TIMM50: variants seen among roughly 807,000 people sequenced by gnomAD.
TIMM50 encodes the protein translocase of inner mitochondrial membrane 50, also known as mitochondrial import inner membrane translocase subunit TIM50.
TIMM50 carries 34 observed loss-of-function variants against 49.6 expected under a neutral mutation model. The observed-to-expected ratio is 0.69, with a 90% CI of 0.52 to 0.91. TIMM50 has a LOEUF of 0.91. TIMM50 is among the 40% of genes least tolerant of loss of function. The probability of loss-of-function intolerance (pLI) is 0.00; values close to 1 mark genes in which losing one functional copy is unlikely to be tolerated. For synonymous variants in TIMM50, 199 were observed against 198.4 expected, an observed-to-expected ratio of 1.00 and a Z score of -0.03; for missense variants, 458 against 477.8, an observed-to-expected ratio of 0.96 and a Z score of 0.39.
At position 39,488,584 on chromosome 19, in the gene TIMM50, A is replaced by G. The variant is rs1453163932; in HGVS notation, c.899A>G (p.His300Arg). 2 of 1,613,464 alleles carry G rather than the reference A, an allele frequency of 1.2e-6. No homozygotes were observed. Among genetic ancestry groups the G allele is most frequent in the Non-Finnish European group, 1.7e-6 (2 of 1,180,026 alleles). Residue 300 changes from histidine (H) to arginine (R), a missense_variant, in exon 10 of 11, where the codon CAC becomes CGC. His to Arg is a conservative substitution (Grantham distance 29, BLOSUM62 0). Transcript: ENST00000607714. Reference protein sequence around the residue: ...GVEDVRTVLEHYALEDDPLAA... With the variant: ...GVEDVRTVLERYALEDDPLAA... ...GAGGACGTGCGAACCGTGCTGGAGC[A>G]CTATGCCCTGGAGGATGACCCGCTG... is the stretch of plus-strand genomic sequence containing the variant.
intron 4 of TIMM50, chr19:39,483,383 C>T (rs759422473): frequency 5.2e-4 from 304 of 587,932 alleles, no homozygotes; most frequent in Non-Finnish European, 8.5e-4. Context: ...GGGATTGGAG[C>T]CTTGGGTGGG....
rs1298831357 is a variant in TIMM50, at chr19:39,486,449, G to A, written c.650G>A (p.Arg217His). ...GACCCCCATGGCTTCATCTCCTACCGCCTATTCCGGGACGCCACAAGATAC... is the reference window on the plus strand; with the variant it reads ...GACCCCCATGGCTTCATCTCCTACCACCTATTCCGGGACGCCACAAGATAC... ...SVDPHGFISY[R>H]LFRDATRYMD... The change falls in exon 8 of 11, where the codon CGC becomes CAC. Residue 217 changes from arginine (R) to histidine (H), a missense_variant. Coordinates refer to ENST00000607714, the MANE Select transcript of TIMM50 (RefSeq NM_001001563.5). 11 of 1,613,986 alleles carry A rather than the reference G, an allele frequency of 6.8e-6. No individual in the cohort carries two copies. Among genetic ancestry groups the A allele is most frequent in the Admixed American group, 3.3e-5 (2 of 59,978 alleles).
At position 39,492,885 on chromosome 19, in the gene TIMM50, A is replaced by AAAAC. The variant is rs1555752664; in HGVS notation, c.*3068_*3069insCAAA. The AAAAC allele has an allele frequency of 4.1e-5, 6 of 144,946 alleles. No individual in the cohort carries two copies. Among genetic ancestry groups the AAAAC allele is most frequent in the Non-Finnish European group, 7.4e-5 (5 of 67,304 alleles). The allele number at this position is 144,946 out of a possible 1,614,324, so 9.0% of individuals were successfully genotyped here. On this transcript the variant is annotated 3_prime_UTR_variant, in exon 11 of 11. Coordinates refer to ENST00000607714, the MANE Select transcript of TIMM50 (RefSeq NM_001001563.5). ...GGCTCTGTCTCCAAAAAAAAAAAAA[A>AAAAC]AAAAAAACAAAAAAAAAACCAGTTT... is the stretch of plus-strand genomic sequence containing the variant.
At chr19:39,487,301 G>T (rs1272247741) in intron 8 of TIMM50, among the ~76,000 whole-genome samples, 1 of 152,000 alleles carries the variant, frequency 6.6e-6, no homozygotes, top group South Asian at 2.1e-4. Flanking sequence ...ACAGGGTTTT[G>T]CTCTGTCACC....
chr19:39,481,102 A>C, intron 1 of TIMM50, 141 bp downstream of exon 1: 1 of 1,144,398 alleles, frequency 8.7e-7, no homozygotes, highest in Non-Finnish European at 1.2e-6. Context: ...GCCCTTCCCA[A>C]CCTCCTGGGT....
At chr19:39,482,153 T>G in intron 2 of TIMM50, 120 bp downstream of exon 2, 1 of 1,309,854 alleles carries the variant, frequency 7.6e-7, no homozygotes, top group Non-Finnish European at 1.1e-6. Flanking sequence ...CCTTCCTCAA[T>G]AGGGCAGCCA....
At chr19:39,487,656 G>T in intron 8 of TIMM50, among the ~76,000 whole-genome samples, 1 of 151,922 alleles carries the variant, frequency 6.6e-6, no homozygotes, top group African/African-American at 2.4e-5. Flanking sequence ...ACAGAGTTTC[G>T]CCATGTTGCC....
At chr19:39,483,010 A>T (rs1257832831) in intron 3 of TIMM50, 94 bp downstream of exon 3, 2 of 1,608,794 alleles carry the variant, frequency 1.2e-6, no homozygotes, top group Non-Finnish European at 8.5e-7. Flanking sequence ...GCTGGTCTGG[A>T]GTGAGCCTTT....
At chr19:39,481,238 T>G in intron 1 of TIMM50, 1 of 500,182 alleles carries the variant, frequency 2.0e-6, no homozygotes. Context: ...AGGTGATACT[T>G]GAGCAGGAGG....
At chr19:39,482,847 GC>G in intron 2 of TIMM50, 37 bp from the exon 3 acceptor site, 3 of 1,613,890 alleles carry the variant, frequency 1.9e-6, no homozygotes, top group Non-Finnish European at 2.5e-6. Flanking sequence ...AGGGGACTGG[GC>G]CCTAATTCCT....
chr19:39,485,049 C>T lies in TIMM50; in HGVS notation c.314-495C>T, dbSNP rs184706200. On this transcript the variant is annotated intron_variant, in intron 4 of 10. Transcript: ENST00000607714. ...TCGGCTCGCTGCAACCTCCACCTCC[C>T]GGGTTCAAGTGATTCTCTTGCCTCA... 9.9e-4 allele frequency: 163 copies of T among 164,548 alleles called. 5 individuals are homozygous for T. In the East Asian group the frequency reaches 0.024, roughly 25 times the overall value. 10.2% of individuals were successfully genotyped at this position (164,548 alleles called of 1,614,324 possible). A position where few individuals can be genotyped will look rare whatever the true frequency, so the allele number is the denominator to read the frequency against.
At chr19:39,483,935 C>A (rs1247620871) in intron 4 of TIMM50, among the ~76,000 whole-genome samples, 1 of 152,112 alleles carries the variant, frequency 6.6e-6, no homozygotes, top group Non-Finnish European at 1.5e-5. Context: ...CTCACTGCAA[C>A]CTCCACCTCC....
Position 39,481,885 on chromosome 19 carries a change from C to G in TIMM50, c.111C>G (p.Ala37=). ...GACCTCCCCTTTCTCAACCGCAGGCCGCAGAGATCGGGAGCCGCGGGAGCA... is the reference window on the plus strand; with the variant it reads ...GACCTCCCCTTTCTCAACCGCAGGCGGCAGAGATCGGGAGCCGCGGGAGCA... ...ATPPRRAPDQ[A]AEIGSRGSTK... Residue 37 remains alanine (A), a splice_region_variant and synonymous_variant, in exon 2 of 11, where the codon GCC becomes GCG. Transcript: ENST00000607714. 1 of 1,612,268 alleles carries G rather than the reference C, an allele frequency of 6.2e-7. No individual in the cohort carries two copies. The highest frequency in any genetic ancestry group is 8.5e-7 in the Non-Finnish European group (1 of 1,179,390).
intron 8 of TIMM50, among the ~76,000 whole-genome samples, chr19:39,487,042 T>G (rs1365678699): frequency 6.6e-6 from 1 of 152,146 alleles, no homozygotes; most frequent in Non-Finnish European, 1.5e-5. Flanking sequence ...GAAGGGTCTG[T>G]GTCTGGGTGC....
At chr19:39,489,235 G>A (rs1454235425) in intron 10 of TIMM50, among the ~76,000 whole-genome samples, 1 of 151,978 alleles carries the variant, frequency 6.6e-6, no homozygotes, top group Non-Finnish European at 1.5e-5. Flanking sequence ...GAGGGGTCAT[G>A]GGGCTCAGAG....
rs1208749869 is a variant in TIMM50 at position 39,491,903 on chromosome 19, G to A, written c.*2083G>A. ...GTCTCGCTGTGTCGCCCAGGCTGGA[G>A]CACAGTGGTGTAACTATAGCTCACT... On this transcript the variant is annotated 3_prime_UTR_variant, in exon 11 of 11. Coordinates refer to ENST00000607714, the MANE Select transcript of TIMM50 (RefSeq NM_001001563.5). The A allele has an allele frequency of 5.3e-5, 8 of 150,144 alleles. No homozygotes were observed. Among genetic ancestry groups the A allele is most frequent in the Admixed American group, 5.3e-4 (8 of 15,134 alleles). The allele number at this position is 150,144 out of a possible 1,614,324, so 9.3% of individuals were successfully genotyped here.
chr19:39,486,161 T>A, intron 6 of TIMM50, 26 bp from the exon 7 acceptor site: 1 of 1,611,228 alleles, frequency 6.2e-7, no homozygotes, highest in South Asian at 1.1e-5. Context: ...GGTCTTGGTG[T>A]TTCACTGTCC....
At chr19:39,488,789 G>T (rs1458537227) in intron 10 of TIMM50, 144 bp downstream of exon 10, 3 of 653,732 alleles carry the variant, frequency 4.6e-6, no homozygotes, top group Non-Finnish European at 8.1e-6. Context: ...GTAACCAGGG[G>T]GATATAACAC....
At position 39,488,605 on chromosome 19, in the gene TIMM50, C is replaced by T. The variant is rs751967415; in HGVS notation, c.920C>T (p.Pro307Leu). The T allele has an allele frequency of 8.1e-6, 13 of 1,613,632 alleles. No homozygotes were observed. Among genetic ancestry groups the T allele is most frequent in the East Asian group, 6.7e-5 (3 of 44,886 alleles). The stretch of plus-strand genomic sequence containing the variant: ...GAGCACTATGCCCTGGAGGATGACC[C>T]GCTGGCGGCTTTCAAACAGCGGCAA... Reference protein sequence around the residue: ...VLEHYALEDDPLAAFKQRQSR... With the variant: ...VLEHYALEDDLLAAFKQRQSR... Residue 307 changes from proline (P) to leucine (L), a missense_variant, in exon 10 of 11, where the codon CCG becomes CTG. Pro to Leu is a moderately conservative substitution (Grantham distance 98). Transcript: ENST00000607714.
Sources: allele counts gnomAD v4.1 joint callset (sites outside exome capture counted in the v4.1 genomes callset), GRCh38; gene constraint gnomAD v4.1.1; transcripts MANE v1.5; gene names NCBI Gene and HGNC (gene_info 2026-07-23, HGNC 2026-07-21).